The following HLA-DPA1 variants were observed in gnomAD, a reference collection of about 807,000 sequenced individuals.
HLA-DPA1 encodes HLA class II histocompatibility antigen, DP alpha 1 chain.
Under a neutral mutation model 21.5 loss-of-function variants are expected in HLA-DPA1, and 20 were observed. The observed-to-expected ratio is 0.93, with a 90% confidence interval of 0.66 to 1.35. The LOEUF (loss-of-function observed/expected upper bound fraction) is 1.35, where lower values mean the gene tolerates loss of function less well. Among genes scored for constraint, HLA-DPA1 ranks in the 40% most tolerant of loss-of-function variants. The pLI is 0.00. For synonymous variants in HLA-DPA1, 123 were observed against 129.6 expected (o/e 0.95, Z 0.35); for missense variants, 279 against 323.0 (o/e 0.86, Z 1.05).
At position 33,075,984 on chromosome 6, in the gene HLA-DPA1, G is replaced by A. The variant is rs949142860; in HGVS notation, c.-99-2315C>T. ...ATATTTCAAACAGGAGCTCCCTTTA[G>A]CGAGTCCTTCTTTTCCTGACTGCAG... On this transcript the variant is annotated intron_variant, in intron 1 of 5. Transcript: ENST00000419277. 1.5e-5 allele frequency: 19 copies of A among 1,303,622 alleles called. No individual in the cohort carries two copies. The African/African-American group carries it at 2.2e-4, about 15-fold the overall frequency. The allele number at this position is 1,303,622 out of a possible 1,614,324, so 80.8% of individuals were successfully genotyped here. A position where few individuals can be genotyped will look rare whatever the true frequency, so the allele number is the denominator to read the frequency against.
intron 2 of HLA-DPA1, among the ~76,000 whole-genome samples, chr6:33,071,113 C>T (rs1762256990): frequency 7.4e-6 from 1 of 134,930 alleles, no homozygotes. Context: ...TCAGCCCTGA[C>T]ATGTGGGGAC....
At chr6:33,076,529 G>A (rs1292452880) in intron 1 of HLA-DPA1, among the ~76,000 whole-genome samples, 2 of 152,214 alleles carry the variant, frequency 1.3e-5, no homozygotes, top group Admixed American at 6.5e-5. Flanking sequence ...CTAAGCTGGA[G>A]TGTCCAGGCT....
Position 33,070,980 on chromosome 6 carries a change from G to A in HLA-DPA1, c.101-1094C>T, listed in dbSNP as rs150122957. Among the ~76,000 whole-genome samples the A allele has an allele frequency of 3.6e-3, 542 of 152,284 alleles. 3 individuals are homozygous for A. Among genetic ancestry groups the A allele is most frequent in the East Asian group, 0.026 (133 of 5,192 alleles). ...AGAGGATAAAAGCAACTATTATCAT[G>A]AAAGAAAACGATGAATGTGTATGTG... On this transcript the variant is annotated intron_variant, in intron 2 of 5. Coordinates refer to ENST00000419277, the Ensembl canonical transcript of HLA-DPA1.
intron 1 of HLA-DPA1, among the ~76,000 whole-genome samples, chr6:33,077,479 T>C (rs1226012160): frequency 1.3e-5 from 2 of 152,078 alleles, no homozygotes; most frequent in East Asian, 3.9e-4. Context: ...TTCTAGATCT[T>C]TGAGGAATTG....
Position 33,069,260 on chromosome 6 carries a change from C to A in HLA-DPA1, c.387G>T (p.Glu129Asp), listed in dbSNP as rs1264055536. The change falls in exon 4 of 6, where the codon GAG (glutamate) becomes GAT (aspartate). Residue 129 changes from glutamate to aspartate, a missense_variant. Glu to Asp is a conservative substitution (Grantham distance 45). Transcript: ENST00000419277. ...AGATGAGGGTGTTGGGCTGGCCCAGCTCCACAGGCTCCTTGGGAAACACGG... is the reference window on the plus strand; with the variant it reads ...AGATGAGGGTGTTGGGCTGGCCCAGATCCACAGGCTCCTTGGGAAACACGG... The A allele has an allele frequency of 4.3e-6, 7 of 1,613,020 alleles. 1 individual carries two copies. The highest frequency in any genetic ancestry group is 3.4e-6 in the Non-Finnish European group (4 of 1,179,994).
At chr6:33,076,081 G>T in intron 1 of HLA-DPA1, 1 of 1,612,562 alleles carries the variant, frequency 6.2e-7, no homozygotes, top group South Asian at 1.1e-5. Context: ...CCGGACAGTG[G>T]CTCTGACGGC....
At chr6:33,077,389 G>A (rs1435908514) in intron 1 of HLA-DPA1, among the ~76,000 whole-genome samples, 3 of 152,034 alleles carry the variant, frequency 2.0e-5, no homozygotes, top group African/African-American at 7.3e-5. Context: ...ATGTGTGCAT[G>A]TGTCTTTATA....
At chr6:33,067,502 T>C (rs1762020519) in intron 5 of HLA-DPA1, 1 of 152,230 alleles carries the variant, frequency 6.6e-6, no homozygotes, top group African/African-American at 2.4e-5. Flanking sequence ...GCTAGTGCCA[T>C]GTTTCGCGTA....
In HLA-DPA1 at chr6:33,073,966, T is replaced by C. The variant is rs138167014; in HGVS notation, c.-99-297A>G. 3.6e-3 allele frequency among the ~76,000 whole-genome samples: 543 copies of C among 152,342 alleles called. 3 individuals are homozygous for C. The highest frequency in any genetic ancestry group is 0.026 in the East Asian group (133 of 5,192). On this transcript the variant is annotated intron_variant, in intron 1 of 5. Coordinates refer to ENST00000419277, the Ensembl canonical transcript of HLA-DPA1. ...ACAGTCAGATGATCTTTGATGTTTTTTGGTCACTATATTTTAAATCATGTT... is the reference window on the plus strand; with the variant it reads ...ACAGTCAGATGATCTTTGATGTTTTCTGGTCACTATATTTTAAATCATGTT...
chr6:33,069,504 T>C (rs1422189400), intron 3 of HLA-DPA1, 137 bp downstream of exon 2: 14 of 1,183,270 alleles, frequency 1.2e-5, no homozygotes, highest in South Asian at 2.8e-5. Context: ...CTTGCTGTAG[T>C]GGGATCAGCC....
chr6:33,070,417 G>A (rs564104965), intron 2 of HLA-DPA1, among the ~76,000 whole-genome samples: 3,666 of 152,210 alleles, frequency 0.024, 55 homozygotes, highest in African/African-American at 0.047. Context: ...ATTTTTCTAT[G>A]ACACAGATGT....
chr6:33,078,272 A>T (rs1026786172), intron 1 of HLA-DPA1, among the ~76,000 whole-genome samples: 4 of 152,074 alleles, frequency 2.6e-5, no homozygotes, highest in Admixed American at 6.5e-5. Context: ...AGATTACTGG[A>T]GCTCCCTGCG....
At chr6:33,069,371 G>T in intron 3 of HLA-DPA1, 71 bp from the exon 3 acceptor site, 1 of 1,450,076 alleles carries the variant, frequency 6.9e-7, no homozygotes, top group Non-Finnish European at 9.4e-7. Flanking sequence ...TCTTAGGGGA[G>T]GGTGGTCCTC....
At chr6:33,066,000 G>A (rs1316756895) in intron 5 of HLA-DPA1, 2 of 152,024 alleles carry the variant, frequency 1.3e-5, no homozygotes, top group South Asian at 4.2e-4. Context: ...TTATTACTGA[G>A]TTCTTTTGGT....
intron 1 of HLA-DPA1, among the ~76,000 whole-genome samples, chr6:33,079,073 G>T (rs1762704513): frequency 1.3e-5 from 2 of 152,198 alleles, no homozygotes; most frequent in Admixed American, 6.5e-5. Context: ...TGGACTCCAT[G>T]GTGCCCTTGA....
intron 1 of HLA-DPA1, chr6:33,079,651 A>C (rs939222559): frequency 3.0e-5 from 14 of 473,228 alleles, no homozygotes; most frequent in Middle Eastern, 3.8e-4. Flanking sequence ...ACAACAACAA[A>C]AAAAACATGC....
rs1468583765 is a variant in HLA-DPA1, at chr6:33,080,075, A to G, written c.-100+605T>C. 6.6e-6 allele frequency among the ~76,000 whole-genome samples: 1 copy of G among 152,198 alleles called. No individual in the cohort carries two copies. The highest frequency in any genetic ancestry group is 1.9e-4 in the East Asian group (1 of 5,200). ...TTTCAGGCTACAGAGTCTTTCTTAT[A>G]CCAAAGTTGAAGAAAGTTTTAAGAA... On this transcript the variant is annotated intron_variant, in intron 1 of 5. Coordinates refer to ENST00000419277, the Ensembl canonical transcript of HLA-DPA1. This position sits in a 1 kb window ranked among gnomAD's most constrained non-coding sequence, Gnocchi z 4.3.
rs143246653 is a variant in HLA-DPA1, at chr6:33,075,246, G to A, written c.-99-1577C>T. Among the ~76,000 whole-genome samples, 5 of 152,198 alleles carry A rather than the reference G, an allele frequency of 3.3e-5. No homozygotes were observed. In the East Asian group the frequency reaches 9.6e-4, roughly 29 times the overall value. ...CTATTGATCTCATTTGATCTTAAGA[G>A]CTTTGCTATAAGGCAGGTTATATCA... On this transcript the variant is annotated intron_variant, in intron 1 of 5. Transcript: ENST00000419277.
chr6:33,077,922 T>C (rs56934772), intron 1 of HLA-DPA1, among the ~76,000 whole-genome samples: 15,379 of 152,158 alleles, frequency 0.1, 1,529 homozygotes, highest in African/African-American at 0.25. Context: ...CTTGAACTTG[T>C]AGTCACAGAA....
Sources: allele counts gnomAD v4.1 joint callset (sites outside exome capture counted in the v4.1 genomes callset), GRCh38; gene constraint gnomAD v4.1.1; non-coding constraint Gnocchi (gnomAD v3.1); transcripts MANE v1.5; gene names NCBI Gene and HGNC (gene_info 2026-07-23, HGNC 2026-07-21).